Variants in ESRRG observed in about 807,000 individuals in gnomAD.
ESRRG encodes estrogen related receptor gamma.
ESRRG carries 13 observed loss-of-function variants against 44.0 expected under a neutral mutation model. The observed-to-expected ratio is 0.30, with a 90% CI of 0.19 to 0.47. ESRRG has a LOEUF of 0.47. ESRRG is among the 20% of genes least tolerant of loss of function. The pLI, the probability that ESRRG is intolerant of heterozygous loss-of-function variation, is 1.00. For synonymous variants in ESRRG, 215 were observed against 214.6 expected, an observed-to-expected ratio of 1.00 and a Z score of -0.02; for missense variants, 395 against 580.6, an observed-to-expected ratio of 0.68 and a Z score of 3.29.
intron 1 of ESRRG, among the ~76,000 whole-genome samples, chr1:217,013,981 T>C (rs1319505173): frequency 2.0e-5 from 3 of 152,032 alleles, no homozygotes; most frequent in African/African-American, 7.2e-5. Flanking sequence ...CCTAGGTAAA[T>C]AATGCTTTAT....
At chr1:217,124,566 T>C (rs10218645) in intron 1 of ESRRG, among the ~76,000 whole-genome samples, 3,361 of 152,290 alleles carry the variant, frequency 0.022, 129 homozygotes, top group African/African-American at 0.076. Flanking sequence ...TCTGGGTAAT[T>C]TGATAAATGT....
intron 1 of ESRRG, among the ~76,000 whole-genome samples, chr1:217,043,141 G>A (rs1193966852): frequency 6.6e-6 from 1 of 152,104 alleles, no homozygotes; most frequent in Non-Finnish European, 1.5e-5. Flanking sequence ...AATAACCTCT[G>A]TATAGATGCT....
chr1:216,945,784 T>C (rs2065966427), intron 1 of ESRRG, among the ~76,000 whole-genome samples: 1 of 152,232 alleles, frequency 6.6e-6, no homozygotes, highest in South Asian at 2.1e-4. Context: ...GTTCTCTGCC[T>C]TGGCTGCTGT....
In ESRRG at chr1:216,642,923, C is replaced by T. The variant is rs79880824; in HGVS notation, c.589+8050G>A. 4.4e-3 allele frequency among the ~76,000 whole-genome samples: 665 copies of T among 152,240 alleles called. 2 individuals are homozygous for T. The highest frequency in any genetic ancestry group is 6.8e-3 in the Middle Eastern group (2 of 294). On this transcript the variant is annotated intron_variant, in intron 3 of 6. Transcript: ENST00000408911. ...AATCCACTTGTAACTAAATGACCTG[C>T]GTAGCTTTATATTTTTTAAAGAGAA...
At chr1:216,640,492 A>G (rs978871128) in intron 3 of ESRRG, among the ~76,000 whole-genome samples, 1 of 5,714 alleles carries the variant, frequency 1.8e-4, no homozygotes, top group Non-Finnish European at 4.8e-4. Context: ...AGTGAGGGAG[A>G]GAGAGAGAGA....
chr1:216,740,717 C>G (rs2090570455), intron 2 of ESRRG, among the ~76,000 whole-genome samples: 1 of 151,670 alleles, frequency 6.6e-6, no homozygotes, highest in African/African-American at 2.4e-5. Context: ...TTTCTACACA[C>G]CTTTCTATAT....
At chr1:216,877,679 C>T (rs1041475968) in intron 2 of ESRRG, among the ~76,000 whole-genome samples, 19 of 152,200 alleles carry the variant, frequency 1.2e-4, no homozygotes, top group Admixed American at 3.3e-4. Context: ...GCTGGGATTA[C>T]GGGTGCCTAT....
chr1:216,629,618 T>G (rs1186076211), intron 3 of ESRRG, among the ~76,000 whole-genome samples: 1 of 152,096 alleles, frequency 6.6e-6, no homozygotes, highest in Non-Finnish European at 1.5e-5. Flanking sequence ...ATACACCAAA[T>G]GGCAGAGGAG....
In ESRRG at chr1:217,073,197, CAAAAAAAAAAAAAAA is replaced by C. The variant is rs34950214; in HGVS notation, c.-106+16295_-106+16309del. Among the ~76,000 whole-genome samples the C allele has an allele frequency of 1.3e-3, 99 of 75,984 alleles. 1 individual carries two copies. Among genetic ancestry groups the C allele is most frequent in the South Asian group, 5.3e-3 (11 of 2,072 alleles). The allele number at this position is 75,984 out of a possible 152,430, so 49.8% of individuals were successfully genotyped here. A position where few individuals can be genotyped will look rare whatever the true frequency, so the allele number is the denominator to read the frequency against. ...CACCTTGTCTTCATTCCTTTCTGGACAAAAAAAAAAAAAAAAAAAAAAAAAAAAAAAATCCTCATG... is the reference window on the plus strand; with the variant it reads ...CACCTTGTCTTCATTCCTTTCTGGACAAAAAAAAAAAAAAAAATCCTCATG... On this transcript the variant is annotated intron_variant, in intron 1 of 7. Coordinates refer to the ESRRG transcript ENST00000359162.
chr1:216,617,729 T>A (rs2061611308), intron 3 of ESRRG, among the ~76,000 whole-genome samples: 1 of 152,206 alleles, frequency 6.6e-6, no homozygotes, highest in Non-Finnish European at 1.5e-5. Flanking sequence ...TCTATTTAAG[T>A]AACCCACATA....
intron 1 of ESRRG, among the ~76,000 whole-genome samples, chr1:217,086,490 G>T (rs1450329785): frequency 2.0e-5 from 3 of 152,186 alleles, no homozygotes; most frequent in Non-Finnish European, 2.9e-5. Context: ...CATTTCTGAT[G>T]TGTACAGAAA....
chr1:216,939,510 A>G (rs1470222808), intron 2 of ESRRG: 1 of 152,130 alleles, frequency 6.6e-6, no homozygotes, highest in Admixed American at 6.6e-5. Flanking sequence ...TCTAATGTGT[A>G]TCACGTGGCA....
intron 2 of ESRRG, among the ~76,000 whole-genome samples, chr1:216,881,621 T>C (rs2096449496): frequency 6.6e-6 from 1 of 152,144 alleles, no homozygotes; most frequent in Non-Finnish European, 1.5e-5. Context: ...CTTCTGTTGC[T>C]ACCTCCCAGC....
chr1:216,800,938 G>A (rs546292130), intron 2 of ESRRG, among the ~76,000 whole-genome samples: 5 of 152,028 alleles, frequency 3.3e-5, no homozygotes, highest in Non-Finnish European at 5.9e-5. Flanking sequence ...TCATTTAATT[G>A]ATTGTGTGGT....
At chr1:216,954,978 A>C (rs2067680168) in intron 1 of ESRRG, among the ~76,000 whole-genome samples, 1 of 152,172 alleles carries the variant, frequency 6.6e-6, no homozygotes, top group Non-Finnish European at 1.5e-5. Flanking sequence ...CATGTACATA[A>C]TATGTAATGA....
At chr1:216,881,652 A>C (rs1224678093) in intron 2 of ESRRG, among the ~76,000 whole-genome samples, 2 of 152,172 alleles carry the variant, frequency 1.3e-5, no homozygotes, top group East Asian at 1.9e-4. Flanking sequence ...ACAACAACAA[A>C]AAATGGGATT....
chr1:216,858,965 T>G (rs963032002), intron 2 of ESRRG, among the ~76,000 whole-genome samples: 1 of 152,222 alleles, frequency 6.6e-6, no homozygotes, highest in African/African-American at 2.4e-5. Context: ...TTTGCATCTG[T>G]AAAATACAGG....
rs115173174 is a variant in ESRRG, at chr1:217,105,858, T to A, written c.-230+31809A>T. Among the ~76,000 whole-genome samples the A allele has an allele frequency of 8.1e-3, 1,232 of 152,218 alleles. 20 individuals carry two copies. Among genetic ancestry groups the A allele is most frequent in the African/African-American group, 0.028 (1,172 of 41,524 alleles). ...CTATGTGACCTTGGAGTCTCCTAGG[T>A]GAAAACGTTGGAGGCCATGACATAG... On this transcript the variant is annotated intron_variant, in intron 1 of 8. Coordinates refer to the ESRRG transcript ENST00000366940.
intron 2 of ESRRG, among the ~76,000 whole-genome samples, chr1:216,774,198 G>A (rs1387616190): frequency 6.6e-6 from 1 of 152,030 alleles, no homozygotes; most frequent in Non-Finnish European, 1.5e-5. Context: ...ACTTGTCAGT[G>A]GTAATAGAAC....
Sources: allele counts gnomAD v4.1 joint callset (sites outside exome capture counted in the v4.1 genomes callset), GRCh38; gene constraint gnomAD v4.1.1; transcripts MANE v1.5; gene names NCBI Gene and HGNC (gene_info 2026-07-23, HGNC 2026-07-21).